Variants in NBEA observed in about 807,000 individuals in gnomAD.
NBEA encodes lysosomal-trafficking regulator 2.
A neutral mutation model predicts 343.4 loss-of-function variants in NBEA; 44 were observed. That is an observed-to-expected ratio of 0.13 (90% CI 0.10 to 0.16). The LOEUF is 0.16. Among genes scored for constraint, NBEA ranks in the 10% least tolerant of loss-of-function variants. The probability of loss-of-function intolerance (pLI) is 1.00; values close to 1 mark genes in which losing one functional copy is unlikely to be tolerated. For missense variants in NBEA, 2,555 were observed against 3,631.3 expected, an observed-to-expected ratio of 0.70 and a Z score of 7.62; for synonymous variants, 1,175 against 1,238.7, an observed-to-expected ratio of 0.95 and a Z score of 1.08.
intron 41 of NBEA, chr13:35,474,216 CATTT>C (rs2075768821): frequency 6.6e-6 from 1 of 152,520 alleles, no homozygotes; most frequent in African/African-American, 2.4e-5. Flanking sequence ...TATTTTACTT[CATTT>C]ATTACCATCT....
chr13:35,062,472 C>T (rs2063502172), intron 8 of NBEA, among the ~76,000 whole-genome samples: 2 of 151,680 alleles, frequency 1.3e-5, no homozygotes, highest in South Asian at 4.2e-4. Flanking sequence ...AAAAGGCTTA[C>T]ATTTATAGAT....
chr13:35,424,456 G>C (rs1262558345), intron 38 of NBEA, among the ~76,000 whole-genome samples: 1 of 152,176 alleles, frequency 6.6e-6, no homozygotes, highest in East Asian at 1.9e-4. Flanking sequence ...TACATTTATT[G>C]ATTTGCGTAT....
intron 1 of NBEA, among the ~76,000 whole-genome samples, chr13:35,005,096 A>G (rs905981986): frequency 2.6e-5 from 4 of 152,172 alleles, no homozygotes; most frequent in Non-Finnish European, 5.9e-5. Flanking sequence ...GTATTTGGGC[A>G]GACGATTTCC....
chr13:35,062,880 T>C (rs1351562603), intron 8 of NBEA, among the ~76,000 whole-genome samples: 2 of 151,968 alleles, frequency 1.3e-5, no homozygotes, highest in African/African-American at 2.4e-5. Flanking sequence ...ACAGAAAGAT[T>C]TGTGGAGAGG....
chr13:35,615,383 G>T (rs985934296), intron 48 of NBEA, among the ~76,000 whole-genome samples: 2 of 151,602 alleles, frequency 1.3e-5, no homozygotes, highest in African/African-American at 2.4e-5. Context: ...TTACTCTGTT[G>T]CCCTGGCTGG....
intron 40 of NBEA, among the ~76,000 whole-genome samples, chr13:35,455,271 G>A (rs1471415548): frequency 2.0e-5 from 3 of 151,986 alleles, no homozygotes; most frequent in Non-Finnish European, 4.4e-5. Flanking sequence ...TTGCCAATAT[G>A]TAATAAGTTA....
At chr13:35,337,851 T>TA (rs2152854336) in intron 36 of NBEA, among the ~76,000 whole-genome samples, 1 of 152,078 alleles carries the variant, frequency 6.6e-6, no homozygotes, top group Admixed American at 6.6e-5. Context: ...GTGTGGAAGT[T>TA]AAACAGGAAA....
intron 6 of NBEA, among the ~76,000 whole-genome samples, chr13:35,055,589 C>A (rs1040496223): frequency 3.3e-5 from 5 of 152,086 alleles, no homozygotes; most frequent in African/African-American, 4.8e-5. Context: ...TCACTGTAAT[C>A]ACCATGATTT....
At chr13:35,217,340 G>C (rs554558045) in intron 33 of NBEA, among the ~76,000 whole-genome samples, 225 of 151,864 alleles carry the variant, frequency 1.5e-3, no homozygotes, top group Non-Finnish European at 2.9e-3. Flanking sequence ...TCCTTTTAAT[G>C]GGTTTTTTAG....
intron 10 of NBEA, among the ~76,000 whole-genome samples, chr13:35,097,490 T>C (rs2065398222): frequency 6.6e-6 from 1 of 152,000 alleles, no homozygotes; most frequent in East Asian, 1.9e-4. Flanking sequence ...TGAAGGAATA[T>C]GTATTTCCGT....
chr13:35,500,409 A>G (rs528201229), intron 41 of NBEA, among the ~76,000 whole-genome samples: 5 of 152,236 alleles, frequency 3.3e-5, no homozygotes, highest in African/African-American at 1.2e-4. Flanking sequence ...GCTGTCATCC[A>G]CCGTGTGGTG....
chr13:35,303,041 A>G (rs966165140), intron 35 of NBEA, among the ~76,000 whole-genome samples: 7 of 152,154 alleles, frequency 4.6e-5, no homozygotes, highest in Non-Finnish European at 1.0e-4. Context: ...ATGTCTACCT[A>G]TGTCAGGACA....
chr13:35,431,547 G>A (rs959969892), intron 38 of NBEA, among the ~76,000 whole-genome samples: 9 of 152,192 alleles, frequency 5.9e-5, no homozygotes, highest in Admixed American at 1.3e-4. Context: ...AGACAGTGAT[G>A]GCCAATGTTG....
intron 34 of NBEA, among the ~76,000 whole-genome samples, chr13:35,254,645 A>G (rs2032375258): frequency 6.6e-6 from 1 of 152,106 alleles, no homozygotes; most frequent in Admixed American, 6.5e-5. Flanking sequence ...TGATAGCAGT[A>G]TTAGTATATA....
At chr13:35,116,806 T>C (rs2066515668) in intron 13 of NBEA, among the ~76,000 whole-genome samples, 1 of 151,996 alleles carries the variant, frequency 6.6e-6, no homozygotes, top group Admixed American at 6.6e-5. Flanking sequence ...TAATTAAATA[T>C]TTTGAAATTA....
chr13:35,542,943 C>G (rs1337284606), intron 41 of NBEA, among the ~76,000 whole-genome samples: 2 of 151,966 alleles, frequency 1.3e-5, no homozygotes, highest in South Asian at 2.1e-4. Context: ...CCAAATTTAC[C>G]TAATCTAAAA....
intron 11 of NBEA, among the ~76,000 whole-genome samples, chr13:35,098,800 A>G (rs549174684): frequency 6.6e-6 from 1 of 152,120 alleles, no homozygotes; most frequent in Non-Finnish European, 1.5e-5. Flanking sequence ...TTCTGAGGAG[A>G]GTGATGAAAT....
At chr13:35,609,377 G>A (rs1401194897) in intron 48 of NBEA, among the ~76,000 whole-genome samples, 1 of 152,148 alleles carries the variant, frequency 6.6e-6, no homozygotes, top group East Asian at 1.9e-4. Context: ...ATAACTTTAG[G>A]AAAGGGATTT....
At chr13:35,336,345 C>T (rs1471713438) in intron 36 of NBEA, among the ~76,000 whole-genome samples, 1 of 152,046 alleles carries the variant, frequency 6.6e-6, no homozygotes, top group African/African-American at 2.4e-5. Flanking sequence ...GATATATTGC[C>T]TAGAACTTTC....
Sources: gnomAD v4.1 joint callset for allele counts (sites outside exome capture counted in the v4.1 genomes callset) on GRCh38, gnomAD v4.1.1 for gene constraint, MANE v1.5 for transcripts, NCBI Gene and HGNC (gene_info 2026-07-23, HGNC 2026-07-21) for gene names.